The following GLRA1 variants were observed in gnomAD, a reference collection of about 807,000 sequenced individuals.
GLRA1 encodes the protein glycine receptor subunit alpha-1.
GLRA1 carries 37 observed loss-of-function variants against 48.3 expected under a neutral mutation model. The ratio of observed to expected loss-of-function variants is 0.77; its 90% CI spans 0.59 to 1.01. GLRA1 has a LOEUF of 1.01. Ranked by LOEUF, GLRA1 falls within the 50% of genes least tolerant of loss-of-function variation. The pLI is 0.00. For missense variants in GLRA1, 427 were observed against 571.0 expected (o/e 0.75, Z 2.57); for synonymous variants, 196 against 210.7 (o/e 0.93, Z 0.60).
intron 1 of GLRA1, among the ~76,000 whole-genome samples, chr5:151,900,723 C>T (rs1445424180): frequency 6.6e-6 from 1 of 152,206 alleles, no homozygotes; most frequent in South Asian, 2.1e-4. Context: ...AGGCTGAAGT[C>T]ATGACAGTCC....
intron 1 of GLRA1, among the ~76,000 whole-genome samples, chr5:151,921,143 A>G (rs1442610320): frequency 6.6e-6 from 1 of 152,210 alleles, no homozygotes; most frequent in Non-Finnish European, 1.5e-5. Flanking sequence ...AAAGCTGATC[A>G]TCTTTTGGGA....
chr5:151,922,546 A>G (rs1754901060), intron 1 of GLRA1, among the ~76,000 whole-genome samples: 1 of 152,382 alleles, frequency 6.6e-6, no homozygotes, highest in African/African-American at 2.4e-5. Flanking sequence ...CTCCACAGTT[A>G]TAACTCTTCT....
At chr5:151,854,793 T>G (rs1304029286) in intron 6 of GLRA1, among the ~76,000 whole-genome samples, 1 of 152,230 alleles carries the variant, frequency 6.6e-6, no homozygotes, top group Admixed American at 6.5e-5. Flanking sequence ...TAGGATCCAT[T>G]CTGCTACCTG....
chr5:151,846,064 G>A (rs1199268491), intron 7 of GLRA1, among the ~76,000 whole-genome samples: 6 of 152,168 alleles, frequency 3.9e-5, no homozygotes, highest in Non-Finnish European at 1.5e-5. Flanking sequence ...TCTTGGGAGT[G>A]GGGAATGAGG....
chr5:151,882,173 G>A (rs1429198793), intron 3 of GLRA1, among the ~76,000 whole-genome samples: 2 of 152,168 alleles, frequency 1.3e-5, no homozygotes, highest in Non-Finnish European at 2.9e-5. Flanking sequence ...GGAAGGGCTG[G>A]GTAGTCCCAA....
intron 6 of GLRA1, among the ~76,000 whole-genome samples, chr5:151,853,144 G>C (rs1248630952): frequency 6.6e-6 from 1 of 152,216 alleles, no homozygotes; most frequent in East Asian, 1.9e-4. Flanking sequence ...AGTTGTGCAA[G>C]ATGAATAAGT....
rs1754781277 is a variant in GLRA1, at chr5:151,918,059, C to A, written c.56+6435G>T. 2.0e-5 allele frequency among the ~76,000 whole-genome samples: 3 copies of A among 152,282 alleles called. No homozygotes were observed. The South Asian group carries it at 6.2e-4, about 32-fold the overall frequency. On this transcript the variant is annotated intron_variant, in intron 1 of 8. Transcript: ENST00000274576. ...TGGTAATCTAATTGCATTGAATTAG[C>A]CTCAGGAGACTTGGACAATACCAAC...
intron 3 of GLRA1, among the ~76,000 whole-genome samples, chr5:151,883,704 T>A (rs770922236): frequency 6.6e-6 from 1 of 152,270 alleles, no homozygotes; most frequent in African/African-American, 2.4e-5. Flanking sequence ...GCACTTTCCA[T>A]GCTTTATCTC....
chr5:151,822,609 C>T lies in GLRA1; in HGVS notation c.*64G>A, dbSNP rs1479218085. The T allele has an allele frequency of 8.8e-6, 10 of 1,141,248 alleles. No homozygotes were observed. The highest frequency in any genetic ancestry group is 1.2e-5 in the Non-Finnish European group (9 of 750,202). The allele number at this position is 1,141,248 out of a possible 1,614,324, so 70.7% of individuals were successfully genotyped here. A position where few individuals can be genotyped will look rare whatever the true frequency, so the allele number is the denominator to read the frequency against. ...CTCCGTTCCCCTTCTCTTCCTTAGT[C>T]TCTCAGATTCCTGTGCTATTCCCAC... On this transcript the variant is annotated 3_prime_UTR_variant, in exon 9 of 9. Coordinates refer to ENST00000274576, the MANE Select transcript of GLRA1 (RefSeq NM_000171.4).
At chr5:151,916,381 C>T (rs548640050) in intron 1 of GLRA1, among the ~76,000 whole-genome samples, 2 of 152,336 alleles carry the variant, frequency 1.3e-5, no homozygotes, top group African/African-American at 2.4e-5. Context: ...AGCCTTGCCG[C>T]ATTCCTCTGG....
chr5:151,874,736 C>T (rs10066835), intron 3 of GLRA1, among the ~76,000 whole-genome samples: 3,220 of 152,160 alleles, frequency 0.021, 48 homozygotes, highest in South Asian at 0.073. Flanking sequence ...GAGAAGGACT[C>T]CCTGAAGCAA....
At chr5:151,889,915 G>A (rs1029417243) in intron 2 of GLRA1, among the ~76,000 whole-genome samples, 1 of 152,082 alleles carries the variant, frequency 6.6e-6, no homozygotes, top group Non-Finnish European at 1.5e-5. Flanking sequence ...GTCAGGTGGG[G>A]GTCGAGGGAG....
At chr5:151,844,991 C>T (rs369571522) in intron 7 of GLRA1, among the ~76,000 whole-genome samples, 10 of 152,042 alleles carry the variant, frequency 6.6e-5, no homozygotes, top group East Asian at 5.8e-4. Context: ...GGGTGGGAGA[C>T]GCCAGGTTCT....
intron 3 of GLRA1, among the ~76,000 whole-genome samples, chr5:151,867,553 C>T (rs912449507): frequency 1.3e-5 from 2 of 152,080 alleles, no homozygotes; most frequent in South Asian, 2.1e-4. Flanking sequence ...AATAATTGCC[C>T]CTTATTGAGG....
intron 3 of GLRA1, among the ~76,000 whole-genome samples, chr5:151,866,624 G>A (rs1264012324): frequency 6.6e-6 from 1 of 152,084 alleles, no homozygotes; most frequent in South Asian, 2.1e-4. Context: ...CAGCTCCCAA[G>A]GGGATATCTC....
At chr5:151,915,224 T>C (rs1754709318) in intron 1 of GLRA1, among the ~76,000 whole-genome samples, 1 of 152,200 alleles carries the variant, frequency 6.6e-6, no homozygotes, top group Admixed American at 6.5e-5. Flanking sequence ...CAATAAATGC[T>C]AATGATTATT....
chr5:151,898,420 G>A (rs558062253), intron 1 of GLRA1, among the ~76,000 whole-genome samples: 269 of 152,232 alleles, frequency 1.8e-3, no homozygotes, highest in Non-Finnish European at 3.1e-3. Flanking sequence ...TTGAAATAGG[G>A]AATCAATATA....
intron 3 of GLRA1, among the ~76,000 whole-genome samples, chr5:151,871,541 T>A (rs1373275358): frequency 6.7e-6 from 1 of 149,004 alleles, no homozygotes; most frequent in African/African-American, 2.6e-5. Flanking sequence ...GCAATCCTAA[T>A]CAAAACCTGA....
At chr5:151,896,520 A>G (rs1459344893) in intron 1 of GLRA1, among the ~76,000 whole-genome samples, 1 of 152,222 alleles carries the variant, frequency 6.6e-6, no homozygotes, top group Non-Finnish European at 1.5e-5. Flanking sequence ...ATCTGTATAT[A>G]CACTGCTCTG....
Sources: allele counts gnomAD v4.1 joint callset (sites outside exome capture counted in the v4.1 genomes callset), GRCh38; gene constraint gnomAD v4.1.1; transcripts MANE v1.5; gene names NCBI Gene and HGNC (gene_info 2026-07-23, HGNC 2026-07-21).